The following SYNDIG1 variants were observed in gnomAD, a reference collection of about 807,000 sequenced individuals.
SYNDIG1 encodes synapse differentiation inducing 1.
A neutral mutation model predicts 19.4 loss-of-function variants in SYNDIG1; 9 were observed. The ratio of observed to expected loss-of-function variants is 0.46; its 90% CI spans 0.28 to 0.81. The LOEUF is 0.81. Among genes scored for constraint, SYNDIG1 ranks in the 30% least tolerant of loss-of-function variants. The pLI, the probability that SYNDIG1 is intolerant of heterozygous loss-of-function variation, is 0.12. For missense variants in SYNDIG1, 311 were observed against 343.3 expected, an observed-to-expected ratio of 0.91 and a Z score of 0.74; for synonymous variants, 141 against 145.9, an observed-to-expected ratio of 0.97 and a Z score of 0.24.
chr20:24,630,792 C>T (rs531471007), intron 3 of SYNDIG1, among the ~76,000 whole-genome samples: 1 of 152,358 alleles, frequency 6.6e-6, no homozygotes, highest in South Asian at 2.1e-4. Context: ...GCCATTGCCC[C>T]TCTACAAGAA....
intron 1 of SYNDIG1, among the ~76,000 whole-genome samples, chr20:24,521,637 C>T (rs190171093): frequency 6.6e-5 from 10 of 152,270 alleles, no homozygotes; most frequent in African/African-American, 1.9e-4. Flanking sequence ...GTGGCTCACA[C>T]GTGTAATCCT....
At chr20:24,665,224 C>G in intron 3 of SYNDIG1, 122 bp from the exon 4 acceptor site, 1 of 1,232,694 alleles carries the variant, frequency 8.1e-7, no homozygotes, top group Non-Finnish European at 1.1e-6. Flanking sequence ...CACAGTTTCC[C>G]CCTCAGCCTT....
At chr20:24,572,009 G>T (rs2058152403) in intron 2 of SYNDIG1, among the ~76,000 whole-genome samples, 2 of 152,176 alleles carry the variant, frequency 1.3e-5, no homozygotes, top group Non-Finnish European at 2.9e-5. Flanking sequence ...TCACTTGATT[G>T]CTTCCTTAGG....
chr20:24,616,270 G>T (rs865978190), intron 3 of SYNDIG1, among the ~76,000 whole-genome samples: 21 of 152,238 alleles, frequency 1.4e-4, no homozygotes, highest in African/African-American at 4.8e-4. Context: ...TCCGAGACAG[G>T]GGCTGTGGCT....
chr20:24,513,956 T>TG (rs1280808782), intron 1 of SYNDIG1, among the ~76,000 whole-genome samples: 1 of 151,966 alleles, frequency 6.6e-6, no homozygotes, highest in Non-Finnish European at 1.5e-5. Flanking sequence ...CAGAACAGAG[T>TG]GGGGGCCAAT....
chr20:24,516,876 C>T (rs1351283891), intron 1 of SYNDIG1, among the ~76,000 whole-genome samples: 1 of 152,098 alleles, frequency 6.6e-6, no homozygotes, highest in African/African-American at 2.4e-5. Flanking sequence ...GCACTAGTCA[C>T]AATAGCAAAG....
chr20:24,476,165 G>A, intron 1 of SYNDIG1, among the ~76,000 whole-genome samples: 1 of 152,044 alleles, frequency 6.6e-6, no homozygotes, highest in Non-Finnish European at 1.5e-5. Flanking sequence ...CCAGCCTAAT[G>A]TGCATAGTAT....
At chr20:24,650,464 T>C (rs2059459436) in intron 3 of SYNDIG1, among the ~76,000 whole-genome samples, 1 of 152,234 alleles carries the variant, frequency 6.6e-6, no homozygotes, top group Admixed American at 6.5e-5. Flanking sequence ...ATCACGTACG[T>C]AGTCAGCACC....
At chr20:24,549,035 A>G (rs1033118500) in intron 2 of SYNDIG1, among the ~76,000 whole-genome samples, 3 of 152,152 alleles carry the variant, frequency 2.0e-5, no homozygotes, top group Non-Finnish European at 2.9e-5. Context: ...TAGCATATTC[A>G]TTATCTCAAA....
chr20:24,493,213 T>C (rs1032595477), intron 1 of SYNDIG1, among the ~76,000 whole-genome samples: 3 of 152,268 alleles, frequency 2.0e-5, no homozygotes, highest in African/African-American at 7.2e-5. Context: ...ATAATCCAAG[T>C]AATGTGAAAA....
chr20:24,654,683 A>C (rs1260648689), intron 3 of SYNDIG1, among the ~76,000 whole-genome samples: 1 of 151,176 alleles, frequency 6.6e-6, no homozygotes, highest in South Asian at 2.1e-4. Context: ...GAAGGAAGGA[A>C]GGAAGGAAGG....
At chr20:24,490,018 A>G (rs900073595) in intron 1 of SYNDIG1, among the ~76,000 whole-genome samples, 2 of 152,210 alleles carry the variant, frequency 1.3e-5, no homozygotes, top group African/African-American at 4.8e-5. Context: ...CTGCTCCCAC[A>G]AATAACAGAA....
chr20:24,518,790 C>A (rs1252599344), intron 1 of SYNDIG1, among the ~76,000 whole-genome samples: 1 of 152,162 alleles, frequency 6.6e-6, no homozygotes, highest in African/African-American at 2.4e-5. Flanking sequence ...CTCGTGAAAC[C>A]ATGGTCTTCA....
At chr20:24,638,178 A>G (rs11697115) in intron 3 of SYNDIG1, among the ~76,000 whole-genome samples, 26,341 of 152,232 alleles carry the variant, frequency 0.17, 2,884 homozygotes, top group East Asian at 0.49. Flanking sequence ...GTCAACTCAT[A>G]CCAAAGCTGG....
chr20:24,590,200 C>T (rs1347139660), intron 3 of SYNDIG1, among the ~76,000 whole-genome samples: 6 of 151,896 alleles, frequency 4.0e-5, no homozygotes, highest in African/African-American at 1.2e-4. Flanking sequence ...AGGGGGAGCC[C>T]TTGGGGAGGA....
At chr20:24,610,500 T>C (rs934774841) in intron 3 of SYNDIG1, among the ~76,000 whole-genome samples, 1 of 152,194 alleles carries the variant, frequency 6.6e-6, no homozygotes, top group Non-Finnish European at 1.5e-5. Flanking sequence ...TCCCCATCTC[T>C]GATTCCACAG....
chr20:24,487,998 C>T (rs1199690140), intron 1 of SYNDIG1, among the ~76,000 whole-genome samples: 1 of 152,132 alleles, frequency 6.6e-6, no homozygotes, highest in Non-Finnish European at 1.5e-5. Context: ...AGAGACCAGC[C>T]AAGAATCAAG....
chr20:24,589,455 TC>T (rs1429811034), intron 3 of SYNDIG1, among the ~76,000 whole-genome samples: 1 of 152,080 alleles, frequency 6.6e-6, no homozygotes. Context: ...AAATTCACCA[TC>T]CCCCCACCCT....
intron 1 of SYNDIG1, among the ~76,000 whole-genome samples, chr20:24,500,526 C>CT: frequency 7.4e-6 from 1 of 135,726 alleles, no homozygotes; most frequent in Non-Finnish European, 1.6e-5. Context: ...TTCTTTCTTT[C>CT]TTTCTTCTTT....
Sources: gnomAD v4.1 joint callset for allele counts (sites outside exome capture counted in the v4.1 genomes callset) on GRCh38, gnomAD v4.1.1 for gene constraint, MANE v1.5 for transcripts, NCBI Gene and HGNC (gene_info 2026-07-23, HGNC 2026-07-21) for gene names.